The following IL31RA variants were observed in gnomAD, a reference collection of about 807,000 sequenced individuals.
IL31RA encodes the protein interleukin 31 receptor A.
A neutral mutation model predicts 83.7 loss-of-function variants in IL31RA; 66 were observed. The ratio of observed to expected loss-of-function variants is 0.79; its 90% CI spans 0.65 to 0.97. The LOEUF is 0.97. Ranked by LOEUF, IL31RA falls within the 50% of genes least tolerant of loss-of-function variation. The probability of loss-of-function intolerance (pLI) is 0.00; values close to 1 mark genes in which losing one functional copy is unlikely to be tolerated. For synonymous variants in IL31RA, 325 were observed against 329.0 expected (o/e 0.99, Z 0.13); for missense variants, 798 against 919.4 (o/e 0.87, Z 1.71).
the IL31RA span, chr5:55,839,842 T>C: frequency 1.3e-6 from 1 of 755,542 alleles, no homozygotes; most frequent in Non-Finnish European, 2.5e-6. Flanking sequence ...CATTTTCTGA[T>C]TCAAGTTCAA....
chr5:55,886,578 C>T (rs1478906642), intron 5 of IL31RA, among the ~76,000 whole-genome samples: 2 of 152,118 alleles, frequency 1.3e-5, no homozygotes, highest in African/African-American at 4.8e-5. Context: ...CTGGCCTTCT[C>T]CTTAGCTTTC....
intron 1 of IL31RA, among the ~76,000 whole-genome samples, chr5:55,855,480 T>A (rs922444795): frequency 4.6e-5 from 7 of 152,150 alleles, no homozygotes; most frequent in Non-Finnish European, 7.3e-5. Context: ...AATGTATGAA[T>A]GAATGAACCA....
intron 11 of IL31RA, 107 bp downstream of exon 11, chr5:55,908,518 T>C (rs1580739871): frequency 6.2e-7 from 1 of 1,607,664 alleles, no homozygotes; most frequent in Non-Finnish European, 8.5e-7. Context: ...ACTTGCAACC[T>C]GGCATGAATC....
intron 5 of IL31RA, among the ~76,000 whole-genome samples, chr5:55,885,791 A>G (rs898737561): frequency 2.0e-5 from 3 of 152,156 alleles, no homozygotes; most frequent in African/African-American, 7.2e-5. Flanking sequence ...ACCTGCCTAC[A>G]TGGAACATTA....
At chr5:55,870,413 TA>T (rs891670421) in intron 3 of IL31RA, among the ~76,000 whole-genome samples, 3 of 152,170 alleles carry the variant, frequency 2.0e-5, no homozygotes, top group African/African-American at 7.2e-5. Context: ...AAAGGCCCAA[TA>T]ACCCATGATC....
upstream of IL31RA, among the ~76,000 whole-genome samples, chr5:55,850,958 C>T (rs543743919): frequency 1.4e-4 from 21 of 152,118 alleles, no homozygotes; most frequent in South Asian, 1.0e-3. Flanking sequence ...GGCTTGGTGG[C>T]GCATGCCTGT....
intron 8 of IL31RA, among the ~76,000 whole-genome samples, chr5:55,901,803 C>T (rs1405116139): frequency 2.0e-5 from 3 of 151,638 alleles, no homozygotes; most frequent in African/African-American, 4.8e-5. Flanking sequence ...TTAGTAGCGA[C>T]GGGGTTTCTC....
chr5:55,841,949 AAAAAAAAT>A, the IL31RA span, among the ~76,000 whole-genome samples: 1 of 151,974 alleles, frequency 6.6e-6, no homozygotes, highest in Non-Finnish European at 1.5e-5. Context: ...TTAAAAAAAA[AAAAAAAAT>A]TTTTTTAAGA....
chr5:55,867,083 GTT>G (rs1416772588), intron 2 of IL31RA, among the ~76,000 whole-genome samples: 7 of 88,526 alleles, frequency 7.9e-5, no homozygotes, highest in Middle Eastern at 6.4e-3. Context: ...GTGCATGTGT[GTT>G]TGTGTGTGTG....
intron 1 of IL31RA, among the ~76,000 whole-genome samples, 195 bp downstream of exon 1, chr5:55,851,828 A>T (rs1745088248): frequency 6.6e-6 from 1 of 152,170 alleles, no homozygotes; most frequent in Non-Finnish European, 1.5e-5. Flanking sequence ...CTGCTTTCTC[A>T]TCTTTACCAG....
intron 11 of IL31RA, among the ~76,000 whole-genome samples, chr5:55,909,398 T>C (rs1237706725): frequency 2.0e-5 from 3 of 152,188 alleles, no homozygotes; most frequent in African/African-American, 4.8e-5. Context: ...TGTTTGAGTT[T>C]GTGTTTTTCG....
chr5:55,839,994 A>C, the IL31RA span: 1 of 555,814 alleles, frequency 1.8e-6, no homozygotes, highest in Non-Finnish European at 3.4e-6. Context: ...CTTCAACATA[A>C]ACCCCTCGCC....
chr5:55,882,259 TAA>T (rs1342177050), intron 4 of IL31RA, among the ~76,000 whole-genome samples: 1 of 152,154 alleles, frequency 6.6e-6, no homozygotes, highest in Non-Finnish European at 1.5e-5. Context: ...TAATAGAACA[TAA>T]GTCAAAAAAT....
Position 55,921,472 on chromosome 5 carries a change from A to G in IL31RA, c.*4352A>G, listed in dbSNP as rs1160865685. 1.3e-5 allele frequency among the ~76,000 whole-genome samples: 2 copies of G among 152,196 alleles called. No individual in the cohort carries two copies. Among genetic ancestry groups the G allele is most frequent in the Admixed American group, 1.3e-4 (2 of 15,278 alleles). ...ATAGAGTGCAATGCGATAAACATTT[A>G]TCTTTTCTTACCTTTGTCCTGTCTC... On this transcript the variant is annotated 3_prime_UTR_variant, in exon 15 of 15. Coordinates refer to ENST00000652347, the MANE Select transcript of IL31RA (RefSeq NM_139017.7).
At position 55,916,874 on chromosome 5, in the gene IL31RA, G is replaced by A; in HGVS notation, c.2049G>A (p.Gly683=). The change falls in exon 15 of 15, where the codon GGG becomes GGA. Residue 683 remains glycine (G), a synonymous_variant. Transcript: ENST00000652347. The part of the protein sequence containing the change: ...TCPFRPDCPL[G]KSFEELPVSP... ...CCTTCAGGCCTGATTGTCCCCTGGG[G>A]AAAAGTTTTGAGGAGCTCCCAGTTT... 1 of 1,614,172 alleles carries A rather than the reference G, an allele frequency of 6.2e-7. No individual in the cohort carries two copies. Among genetic ancestry groups the A allele is most frequent in the Non-Finnish European group, 8.5e-7 (1 of 1,180,034 alleles).
At chr5:55,858,448 TC>T (rs1020650012) in intron 1 of IL31RA, among the ~76,000 whole-genome samples, 3 of 152,212 alleles carry the variant, frequency 2.0e-5, no homozygotes, top group Non-Finnish European at 4.4e-5. Context: ...TTGAAATGTT[TC>T]CCTTTGAGTT....
At chr5:55,907,582 T>C in intron 10 of IL31RA, 122 bp downstream of exon 10, 1 of 732,108 alleles carries the variant, frequency 1.4e-6, no homozygotes, top group Non-Finnish European at 2.5e-6. Flanking sequence ...TGCTTCATCT[T>C]GTAGTGAGCT....
intron 4 of IL31RA, among the ~76,000 whole-genome samples, chr5:55,880,754 T>A (rs575659582): frequency 3.9e-5 from 6 of 152,298 alleles, no homozygotes; most frequent in Admixed American, 3.9e-4. Context: ...TTAACAAATA[T>A]TTGATACCTG....
At chr5:55,883,903 A>C (rs1280134306) in intron 5 of IL31RA, among the ~76,000 whole-genome samples, 3 of 152,216 alleles carry the variant, frequency 2.0e-5, no homozygotes, top group African/African-American at 7.2e-5. Flanking sequence ...TCTATCTCTC[A>C]ATATTGTGCT....
Sources: gnomAD v4.1 joint callset for allele counts (sites outside exome capture counted in the v4.1 genomes callset) on GRCh38, gnomAD v4.1.1 for gene constraint, MANE v1.5 for transcripts, NCBI Gene and HGNC (gene_info 2026-07-23, HGNC 2026-07-21) for gene names.